ZNF711: variants seen among roughly 807,000 people sequenced by gnomAD.
The protein encoded by ZNF711 is ZFX family zinc finger ZNF711, also known as zinc finger protein 711.
Under a neutral mutation model 43.5 loss-of-function variants are expected in ZNF711, and 3 were observed. The ratio of observed to expected loss-of-function variants is 0.07; its 90% CI spans 0.03 to 0.18. The LOEUF is 0.18. ZNF711 is among the 10% of genes least tolerant of loss of function. The probability of loss-of-function intolerance (pLI) is 1.00; values close to 1 mark genes in which losing one functional copy is unlikely to be tolerated. For missense variants in ZNF711, 412 were observed against 604.0 expected, an observed-to-expected ratio of 0.68 and a Z score of 3.33; for synonymous variants, 209 against 207.7, an observed-to-expected ratio of 1.01 and a Z score of -0.06.
intron 2 of ZNF711, among the ~76,000 whole-genome samples, chrX:85,246,550 TTATC>T (rs977915959): frequency 1.8e-5 from 2 of 112,154 alleles, no homozygotes; most frequent in Non-Finnish European, 3.8e-5. Context: ...GGTTGCAGCT[TTATC>T]TGTTGTGCAA....
chrX:85,261,113 AG>A (rs1325103296), intron 5 of ZNF711, among the ~76,000 whole-genome samples: 2 of 111,230 alleles, frequency 1.8e-5, no homozygotes, highest in Non-Finnish European at 3.8e-5. Context: ...GAGAGGAAGA[AG>A]GGTTGGTCAT....
intron 5 of ZNF711, among the ~76,000 whole-genome samples, 161 bp downstream of exon 5, chrX:85,255,962 G>A (rs1569263165): frequency 1.8e-5 from 2 of 111,606 alleles, no homozygotes; most frequent in East Asian, 5.6e-4. Context: ...TGAGTTTACT[G>A]ATGTTTTTAA....
Position 85,258,585 on chromosome X carries a change from A to G in ZNF711, c.622+2784A>G, listed in dbSNP as rs1187559846. 3.6e-5 allele frequency among the ~76,000 whole-genome samples: 4 copies of G among 109,871 alleles called. No homozygotes were observed. The Admixed American group carries it at 3.9e-4, about 11-fold the overall frequency. On this transcript the variant is annotated intron_variant, in intron 5 of 10. Transcript: ENST00000674551. ...CAAGCAAAATAATAATAATAATAAT[A>G]ATAATGATAATGGTCATTCTCACTG... is the stretch of plus-strand genomic sequence containing the variant.
intron 5 of ZNF711, among the ~76,000 whole-genome samples, chrX:85,257,070 G>A (rs1327861938): frequency 9.0e-6 from 1 of 111,645 alleles, no homozygotes; most frequent in Non-Finnish European, 1.9e-5. Flanking sequence ...CATACCTTGT[G>A]TTATCTTCTA....
intron 2 of ZNF711, 122 bp from the exon 3 acceptor site, chrX:85,246,808 C>G: frequency 6.9e-6 from 2 of 287,778 alleles, no homozygotes; most frequent in Non-Finnish European, 1.2e-5. Flanking sequence ...CACCTTGAAG[C>G]TAGCATAATT....
Position 85,264,329 on chromosome X carries a change from G to T in ZNF711, c.677G>T (p.Gly226Val), listed in dbSNP as rs761684120. 2 of 1,204,345 alleles carry T rather than the reference G, an allele frequency of 1.7e-6. No individual in the cohort carries two copies. The highest frequency in any genetic ancestry group is 3.5e-5 in the South Asian group (2 of 56,671). Residue 226 changes from glycine (G) to valine (V), a missense_variant, in exon 6 of 11, where the codon GGC (glycine) becomes GTC (valine). By Grantham distance (109) the Gly-to-Val change is moderately radical (BLOSUM62 -3). Around this residue, in one of 4 missense-constraint regions of ZNF711, gnomAD observed 375 missense variants for 514.2 expected, o/e 0.73. Coordinates refer to ENST00000674551, the MANE Select transcript of ZNF711 (RefSeq NM_001330574.2). ...ATGGGGAATACACCATTAAAAATTG[G>T]CAGTGATGGTTCACAAGAAGATGCT... ...EHMGNTPLKI[G>V]SDGSQEDAKE...
chrX:85,255,455 G>A lies in ZNF711; in HGVS notation c.276G>A (p.Ala92=). ...CAGAAGGTGTGATTGTTCCTGAAGC[G>A]GTACTTGAAGCTGATGTTGCCATTG... ...VVTEGVIVPE[A]VLEADVAIEE... Residue 92 remains alanine, a synonymous_variant, in exon 5 of 11, where the codon GCG becomes GCA. Transcript: ENST00000674551. The A allele has an allele frequency of 8.3e-7, 1 of 1,211,446 alleles. No individual in the cohort carries two copies. Among genetic ancestry groups the A allele is most frequent in the South Asian group, 1.8e-5 (1 of 56,953 alleles).
At chrX:85,244,923 C>G (rs985510689) in intron 1 of ZNF711, 21 of 111,869 alleles carry the variant, frequency 1.9e-4, no homozygotes, top group Admixed American at 1.6e-3. Flanking sequence ...GTATTCTTGT[C>G]TCATCGGTCT....
At position 85,272,171 on chromosome X, in the gene ZNF711, A is replaced by G. The variant is rs1931620651; in HGVS notation, c.*343A>G. On this transcript the variant is annotated 3_prime_UTR_variant, in exon 11 of 11. Transcript: ENST00000674551. ...ACAAATGTTTCTGAGAAGAGAATACATAATTGAGTTTAGTGATGCTTTGCT... is the reference window on the plus strand; with the variant it reads ...ACAAATGTTTCTGAGAAGAGAATACGTAATTGAGTTTAGTGATGCTTTGCT... The G allele has an allele frequency of 5.8e-6, 1 of 173,200 alleles. No homozygotes were observed. Among genetic ancestry groups the G allele is most frequent in the Non-Finnish European group, 1.1e-5 (1 of 91,937 alleles). The allele number at this position is 173,200 out of a possible 1,213,427, so 14.3% of individuals were successfully genotyped here.
At chrX:85,262,132 A>G (rs1930702737) in intron 5 of ZNF711, among the ~76,000 whole-genome samples, 1 of 111,076 alleles carries the variant, frequency 9.0e-6, no homozygotes. Context: ...GTAAAAATTA[A>G]TGGATGCATT....
chrX:85,247,508 A>G (rs1929130801), intron 3 of ZNF711, 39 bp from the exon 4 acceptor site: 8 of 982,780 alleles, frequency 8.1e-6, no homozygotes, highest in Non-Finnish European at 1.1e-5. Flanking sequence ...ACTTTGGACT[A>G]AATATATTAA....
At chrX:85,244,672 G>C (rs1188887539) in intron 1 of ZNF711, 1 of 110,016 alleles carries the variant, frequency 9.1e-6, no homozygotes, top group Non-Finnish European at 1.9e-5. Flanking sequence ...CGTGTGCGAG[G>C]AAGTGGCACC....
At chrX:85,269,599 A>G (rs756674479) in intron 9 of ZNF711, among the ~76,000 whole-genome samples, 13 of 107,341 alleles carry the variant, frequency 1.2e-4, no homozygotes, top group Non-Finnish European at 2.5e-4. Context: ...GTGGACTGAA[A>G]CTCCTGACCT....
At chrX:85,250,702 A>G (rs1258169846) in intron 4 of ZNF711, among the ~76,000 whole-genome samples, 4 of 111,641 alleles carry the variant, frequency 3.6e-5, no homozygotes, top group African/African-American at 9.7e-5. Context: ...TGAATTTGCT[A>G]TTAGATCAAG....
intron 10 of ZNF711, 43 bp from the exon 11 acceptor site, chrX:85,270,608 A>G (rs1402268399): frequency 8.9e-6 from 10 of 1,124,973 alleles, no homozygotes; most frequent in African/African-American, 1.8e-5. Context: ...ATCCTTTAAA[A>G]CAGTCTGACC....
At chrX:85,255,886 A>G (rs758907954) in intron 5 of ZNF711, 85 bp downstream of exon 5, 23 of 922,576 alleles carry the variant, frequency 2.5e-5, no homozygotes, top group Non-Finnish European at 3.4e-5. Context: ...GATATATTCA[A>G]TAAAAGTTAT....
intron 3 of ZNF711, 78 bp downstream of exon 3, chrX:85,247,266 C>T (rs1244177835): frequency 3.2e-6 from 1 of 315,070 alleles, no homozygotes; most frequent in Admixed American, 5.6e-5. Context: ...ACTTTTAGCA[C>T]TGCAGTTTTG....
Position 85,260,453 on chromosome X carries a change from G to T in ZNF711, c.623-3822G>T, listed in dbSNP as rs757408706. On this transcript the variant is annotated intron_variant, in intron 5 of 10. Transcript: ENST00000674551. The stretch of plus-strand genomic sequence containing the variant: ...TTTTAAAAACTATAATGACTTTTTT[G>T]AGATATAATTTACACATCCTTTTAT... Among the ~76,000 whole-genome samples the T allele has an allele frequency of 7.2e-5, 8 of 110,856 alleles. No homozygotes were observed. In the East Asian group the frequency reaches 2.3e-3, roughly 31 times the overall value.
Position 85,268,268 on chromosome X carries a change from CTTTTTTTTTTTT to C in ZNF711, c.1055-14_1055-3del. 1.1e-6 allele frequency: 1 copy of C among 911,046 alleles called. No homozygotes were observed. Among genetic ancestry groups the C allele is most frequent in the East Asian group, 3.7e-5 (1 of 27,060 alleles). 75.1% of individuals were successfully genotyped at this position (911,046 alleles called of 1,213,427 possible). On this transcript the variant is annotated splice_polypyrimidine_tract_variant and intron_variant, in intron 8 of 10. Transcript: ENST00000674551. The stretch of plus-strand genomic sequence containing the variant: ...ATTAGCATATCAGTTTGTAATTGGT[CTTTTTTTTTTTT>C]TTTTTTTTTTTAGGAGATGAAAGAA...
Sources: gnomAD v4.1 joint callset for allele counts (sites outside exome capture counted in the v4.1 genomes callset) on GRCh38, gnomAD v4.1.1 for gene constraint, gnomAD v4.1.1 regional missense constraint, MANE v1.5 for transcripts, NCBI Gene and HGNC (gene_info 2026-07-23, HGNC 2026-07-21) for gene names.